The following SCUBE1 variants were observed in gnomAD, a reference collection of about 807,000 sequenced individuals.
SCUBE1 encodes signal peptide, CUB domain and EGF like domain containing 1.
SCUBE1 carries 59 observed loss-of-function variants against 124.4 expected under a neutral mutation model. The ratio of observed to expected loss-of-function variants is 0.47; its 90% CI spans 0.38 to 0.59. SCUBE1 has a LOEUF of 0.59. Among genes scored for constraint, SCUBE1 ranks in the 20% least tolerant of loss-of-function variants. The pLI is 0.00. For synonymous variants in SCUBE1, 545 were observed against 550.9 expected, an observed-to-expected ratio of 0.99 and a Z score of 0.15; for missense variants, 1,150 against 1,371.2, an observed-to-expected ratio of 0.84 and a Z score of 2.55.
In SCUBE1 at chr22:43,255,435, C is replaced by T; in HGVS notation, c.727+2784G>A. 1.6e-6 allele frequency: 2 copies of T among 1,249,506 alleles called. No individual in the cohort carries two copies. Among genetic ancestry groups the T allele is most frequent in the Admixed American group, 2.2e-5 (1 of 46,048 alleles). The allele number at this position is 1,249,506 out of a possible 1,614,324, so 77.4% of individuals were successfully genotyped here. On this transcript the variant is annotated intron_variant, in intron 6 of 21. Transcript: ENST00000360835. This position sits in a 1 kb window ranked among gnomAD's most constrained non-coding sequence, Gnocchi z 4.7. Reference sequence around the variant, plus strand: ...AGTGCGCACCCGAGACACACATGTGCACACACACACACAAGTGCAAGTACG... The same window carrying T: ...AGTGCGCACCCGAGACACACATGTGTACACACACACACAAGTGCAAGTACG...
chr22:43,249,383 G>A (rs576473820), intron 6 of SCUBE1, among the ~76,000 whole-genome samples: 1 of 152,140 alleles, frequency 6.6e-6, no homozygotes, highest in Non-Finnish European at 1.5e-5. Flanking sequence ...CACATGTCCC[G>A]ATGAGAAGTG....
At chr22:43,250,748 T>C (rs1569506886) in intron 6 of SCUBE1, among the ~76,000 whole-genome samples, 2 of 152,186 alleles carry the variant, frequency 1.3e-5, no homozygotes, top group African/African-American at 2.4e-5. Flanking sequence ...CCGACTCAGA[T>C]TGGGGTCCCT....
chr22:43,270,572 A>G (rs934220136), intron 4 of SCUBE1: 1 of 152,274 alleles, frequency 6.6e-6, no homozygotes, highest in African/African-American at 2.4e-5. Flanking sequence ...CCGGGAACAT[A>G]CCCTGCAAAG....
intron 4 of SCUBE1, among the ~76,000 whole-genome samples, chr22:43,278,458 C>T (rs773913279): frequency 6.6e-6 from 1 of 152,190 alleles, no homozygotes; most frequent in Non-Finnish European, 1.5e-5. Context: ...AATGGAAAGC[C>T]CTGGAACAGG....
intron 4 of SCUBE1, among the ~76,000 whole-genome samples, chr22:43,264,119 GCTGGGA>G (rs1923976065): frequency 6.6e-6 from 1 of 152,228 alleles, no homozygotes; most frequent in African/African-American, 2.4e-5. Context: ...CAAGGGTAGA[GCTGGGA>G]ACAAATGTGC....
chr22:43,326,153 T>C (rs1243110637), intron 2 of SCUBE1, among the ~76,000 whole-genome samples: 1 of 152,168 alleles, frequency 6.6e-6, no homozygotes, highest in Non-Finnish European at 1.5e-5. Flanking sequence ...CTCTCTACTC[T>C]CGGAGATCAT....
chr22:43,212,665 C>T (rs975209012), intron 16 of SCUBE1, 73 bp from the exon 17 acceptor site: 2 of 1,486,286 alleles, frequency 1.3e-6, no homozygotes, highest in African/African-American at 2.8e-5. Context: ...GGTCTCAGGC[C>T]CCGCTCTTGG....
chr22:43,298,576 C>T (rs1363419312), intron 3 of SCUBE1, among the ~76,000 whole-genome samples: 2 of 152,252 alleles, frequency 1.3e-5, no homozygotes, highest in African/African-American at 4.8e-5. Context: ...AACCTGAGTC[C>T]TGCCTTCCAG....
chr22:43,262,654 G>A, intron 5 of SCUBE1, 66 bp downstream of exon 5: 1 of 1,592,814 alleles, frequency 6.3e-7, no homozygotes, highest in Admixed American at 1.7e-5. Flanking sequence ...AGACTGGACA[G>A]ACCCTCCAGA....
chr22:43,232,019 A>T, intron 7 of SCUBE1, 144 bp from the exon 8 acceptor site: 10 of 874,498 alleles, frequency 1.1e-5, no homozygotes, highest in Non-Finnish European at 1.6e-5. Flanking sequence ...CTGGCTCCCC[A>T]GCTGTGCAGA....
chr22:43,238,317 C>G lies in SCUBE1; in HGVS notation c.844+521G>C, dbSNP rs114041430. The G allele has an allele frequency of 7.7e-3, 1,451 of 188,490 alleles. 18 individuals are homozygous for G. The highest frequency in any genetic ancestry group is 0.032 in the African/African-American group (1,365 of 42,634). The allele number at this position is 188,490 out of a possible 1,614,324, so 11.7% of individuals were successfully genotyped here. On this transcript the variant is annotated intron_variant, in intron 7 of 21. Transcript: ENST00000360835. ...AGTCCTTATCTTTTCAGATGGGATC[C>G]CCCTAGCCTCGCCCCCCTAGTAGTG...
At chr22:43,249,726 T>C (rs1275045345) in intron 6 of SCUBE1, among the ~76,000 whole-genome samples, 1 of 152,116 alleles carries the variant, frequency 6.6e-6, no homozygotes, top group East Asian at 1.9e-4. Context: ...TGAGCTGCAG[T>C]GGGAAAGCTC....
At chr22:43,233,216 T>C (rs1314205993) in intron 7 of SCUBE1, among the ~76,000 whole-genome samples, 4 of 151,938 alleles carry the variant, frequency 2.6e-5, no homozygotes, top group African/African-American at 4.8e-5. Context: ...AATACAAAAT[T>C]AGCTGGGCGT....
At chr22:43,324,250 C>T (rs1009807387) in intron 2 of SCUBE1, among the ~76,000 whole-genome samples, 6 of 152,172 alleles carry the variant, frequency 3.9e-5, no homozygotes, top group Non-Finnish European at 5.9e-5. Context: ...ATAAAGATAT[C>T]GTTGAATAGT....
intron 6 of SCUBE1, among the ~76,000 whole-genome samples, chr22:43,243,522 C>T (rs771829877): frequency 3.3e-5 from 5 of 152,332 alleles, no homozygotes; most frequent in African/African-American, 4.8e-5. Flanking sequence ...GAAGCAGGGG[C>T]GAGGACAAAA....
At chr22:43,256,646 G>A (rs1177198392) in intron 6 of SCUBE1, among the ~76,000 whole-genome samples, 6 of 152,252 alleles carry the variant, frequency 3.9e-5, no homozygotes, top group Non-Finnish European at 7.3e-5. Flanking sequence ...GATGATTCAG[G>A]TGGACAAGAC....
chr22:43,257,312 TA>T lies in SCUBE1; in HGVS notation c.727+906del, dbSNP rs201943369. Among the ~76,000 whole-genome samples, 420 of 150,688 alleles carry T rather than the reference TA, an allele frequency of 2.8e-3. 1 individual carries two copies. Among genetic ancestry groups the T allele is most frequent in the African/African-American group, 9.6e-3 (393 of 41,148 alleles). On this transcript the variant is annotated intron_variant, in intron 6 of 21. Transcript: ENST00000360835. The stretch of plus-strand genomic sequence containing the variant: ...CAGATTGACGATAAGAAATGGGGCT[TA>T]AAAAAAAAATAACTGACTTGTGTTG...
intron 3 of SCUBE1, among the ~76,000 whole-genome samples, chr22:43,302,356 G>A (rs2146764616): frequency 6.6e-6 from 1 of 152,366 alleles, no homozygotes; most frequent in Non-Finnish European, 1.5e-5. Flanking sequence ...GCTGGGCAGA[G>A]TTTCAGGAAG....
At chr22:43,297,977 C>T (rs1304382034) in intron 3 of SCUBE1, among the ~76,000 whole-genome samples, 2 of 152,180 alleles carry the variant, frequency 1.3e-5, no homozygotes, top group Admixed American at 1.3e-4. Context: ...GTGCCCAGCC[C>T]ATCTTAGGAA....
Sources: gnomAD v4.1 joint callset for allele counts (sites outside exome capture counted in the v4.1 genomes callset) on GRCh38, gnomAD v4.1.1 for gene constraint, Gnocchi (gnomAD v3.1) non-coding constraint, MANE v1.5 for transcripts, NCBI Gene and HGNC (gene_info 2026-07-23, HGNC 2026-07-21) for gene names.